Variants in FAM81A observed in about 807,000 individuals in gnomAD.
FAM81A encodes family with sequence similarity 81 member A.
FAM81A carries 19 observed loss-of-function variants against 46.7 expected under a neutral mutation model. The ratio of observed to expected loss-of-function variants is 0.41; its 90% CI spans 0.28 to 0.60. The LOEUF (loss-of-function observed/expected upper bound fraction) is 0.60, where lower values mean the gene tolerates loss of function less well. FAM81A is among the 20% of genes least tolerant of loss of function. The pLI is 0.34. For missense variants in FAM81A, 377 were observed against 453.5 expected, an observed-to-expected ratio of 0.83 and a Z score of 1.53; for synonymous variants, 183 against 152.9, an observed-to-expected ratio of 1.20 and a Z score of -1.45.
At chr15:59,508,490 T>A (rs751806014) in intron 5 of FAM81A, among the ~76,000 whole-genome samples, 1 of 152,154 alleles carries the variant, frequency 6.6e-6, no homozygotes, top group Non-Finnish European at 1.5e-5. Flanking sequence ...ATGGATTTTG[T>A]AAACAATAAA....
intron 4 of FAM81A, among the ~76,000 whole-genome samples, chr15:59,503,983 A>G (rs1203896254): frequency 6.6e-6 from 1 of 152,190 alleles, no homozygotes; most frequent in African/African-American, 2.4e-5. Context: ...TACTTTTGAG[A>G]CTTTTCAAAC....
chr15:59,445,941 C>T (rs770186085), intron 1 of FAM81A, among the ~76,000 whole-genome samples: 3 of 152,162 alleles, frequency 2.0e-5, no homozygotes, highest in Non-Finnish European at 2.9e-5. Flanking sequence ...GTGTGAGTGC[C>T]CGGGCCCACT....
At chr15:59,404,769 A>C (rs1034067599) in intron 2 of FAM81A, among the ~76,000 whole-genome samples, 2 of 152,170 alleles carry the variant, frequency 1.3e-5, no homozygotes, top group African/African-American at 4.8e-5. Context: ...TATTCTTCAC[A>C]ACAGCTGGAA....
intron 3 of FAM81A, among the ~76,000 whole-genome samples, chr15:59,490,068 T>C: frequency 6.6e-6 from 1 of 151,840 alleles, no homozygotes; most frequent in Non-Finnish European, 1.5e-5. Flanking sequence ...GGCACGAGTT[T>C]ACCTATGTAA....
chr15:59,410,086 G>C (rs958850435), intron 2 of FAM81A, among the ~76,000 whole-genome samples: 1 of 152,090 alleles, frequency 6.6e-6, no homozygotes, highest in African/African-American at 2.4e-5. Flanking sequence ...GGATTACGAG[G>C]TCAGGAGAGT....
At chr15:59,489,999 A>G (rs574075135) in intron 3 of FAM81A, among the ~76,000 whole-genome samples, 1 of 152,324 alleles carries the variant, frequency 6.6e-6, no homozygotes, top group African/African-American at 2.4e-5. Context: ...CATTAAACCC[A>G]GTATACAATA....
At chr15:59,442,715 A>G (rs1567045039) in intron 1 of FAM81A, among the ~76,000 whole-genome samples, 2 of 152,008 alleles carry the variant, frequency 1.3e-5, no homozygotes, top group Non-Finnish European at 1.5e-5. Context: ...TTCTCTAAAT[A>G]TTAATTTTTA....
At chr15:59,502,675 G>A (rs995630619) in intron 4 of FAM81A, among the ~76,000 whole-genome samples, 8 of 151,970 alleles carry the variant, frequency 5.3e-5, no homozygotes, top group Non-Finnish European at 5.9e-5. Context: ...CACCACGCCC[G>A]GCTAATTTTT....
At chr15:59,481,378 A>G (rs970021664) in intron 3 of FAM81A, among the ~76,000 whole-genome samples, 19 of 152,088 alleles carry the variant, frequency 1.2e-4, no homozygotes, top group African/African-American at 4.6e-4. Context: ...ATTTCTAAGC[A>G]TTTTTTAAAG....
At chr15:59,483,489 C>CA (rs1419037165) in intron 3 of FAM81A, among the ~76,000 whole-genome samples, 1 of 151,144 alleles carries the variant, frequency 6.6e-6, no homozygotes, top group Middle Eastern at 3.2e-3. Flanking sequence ...TGTTATACTT[C>CA]AAAAAAGAAA....
intron 2 of FAM81A, chr15:59,409,068 C>T (rs1176004380): frequency 1.3e-5 from 2 of 151,954 alleles, no homozygotes; most frequent in African/African-American, 4.8e-5. Context: ...AAAGGGCTGC[C>T]CTGAAGTGAT....
At chr15:59,412,192 C>A (rs941636405) in intron 2 of FAM81A, among the ~76,000 whole-genome samples, 1 of 151,954 alleles carries the variant, frequency 6.6e-6, no homozygotes, top group Non-Finnish European at 1.5e-5. Flanking sequence ...GACAGTCCAG[C>A]ATAGTGGACT....
At chr15:59,497,168 C>G (rs147106711) in intron 4 of FAM81A, among the ~76,000 whole-genome samples, 10 of 151,140 alleles carry the variant, frequency 6.6e-5, no homozygotes, top group Non-Finnish European at 1.0e-4. Context: ...TAGGATCAGG[C>G]TAGGCATGGC....
At position 59,522,588 on chromosome 15, in the gene FAM81A, A is replaced by T. The variant is rs2082338417; in HGVS notation, c.*1210A>T. 6.6e-6 allele frequency: 1 copy of T among 152,376 alleles called. No homozygotes were observed. The highest frequency in any genetic ancestry group is 2.1e-4 in the South Asian group (1 of 4,836). 9.4% of individuals were successfully genotyped at this position (152,376 alleles called of 1,614,324 possible). A position where few individuals can be genotyped will look rare whatever the true frequency, so the allele number is the denominator to read the frequency against. On this transcript the variant is annotated 3_prime_UTR_variant, in exon 9 of 9. Transcript: ENST00000288228. Reference sequence around the variant, plus strand: ...TTTCAATCGCCATATTTGATCAGTCATTGAAAATTGGCCCCAGTGCTGTTT... The same window carrying T: ...TTTCAATCGCCATATTTGATCAGTCTTTGAAAATTGGCCCCAGTGCTGTTT...
intron 1 of FAM81A, among the ~76,000 whole-genome samples, chr15:59,452,586 G>A (rs1374161012): frequency 2.6e-5 from 4 of 152,166 alleles, no homozygotes; most frequent in Non-Finnish European, 1.5e-5. Flanking sequence ...ATTGGAGGCT[G>A]CAGTGAGCTA....
upstream of FAM81A, among the ~76,000 whole-genome samples, chr15:59,436,084 A>C (rs1157707341): frequency 6.6e-6 from 1 of 152,216 alleles, no homozygotes; most frequent in Admixed American, 6.5e-5. Context: ...GTTTTGAAAT[A>C]ATTATTAATA....
intron 2 of FAM81A, among the ~76,000 whole-genome samples, chr15:59,410,540 T>C (rs2081115809): frequency 7.1e-5 from 1 of 13,996 alleles, no homozygotes; most frequent in Admixed American, 1.9e-3. Flanking sequence ...AGCTGTGGAC[T>C]ACGAGAAAAA....
At chr15:59,440,976 G>A (rs74946525) in intron 1 of FAM81A, among the ~76,000 whole-genome samples, 3 of 152,246 alleles carry the variant, frequency 2.0e-5, no homozygotes, top group Admixed American at 6.5e-5. Flanking sequence ...GAAAATTTAC[G>A]TTGGCTCTAA....
intron 2 of FAM81A, among the ~76,000 whole-genome samples, chr15:59,429,329 T>C (rs898806669): frequency 6.6e-6 from 1 of 152,258 alleles, no homozygotes; most frequent in Non-Finnish European, 1.5e-5. Flanking sequence ...TCAATCTAGA[T>C]ACTCATGTCC....
Sources: allele counts gnomAD v4.1 joint callset (sites outside exome capture counted in the v4.1 genomes callset), GRCh38; gene constraint gnomAD v4.1.1; transcripts MANE v1.5; gene names NCBI Gene and HGNC (gene_info 2026-07-23, HGNC 2026-07-21).